Variants in CLEC16A observed in about 807,000 individuals in gnomAD.
The protein encoded by CLEC16A is protein CLEC16A.
In CLEC16A, 51 loss-of-function variants were observed where a neutral mutation model predicts 109.5. The ratio of observed to expected loss-of-function variants is 0.47; its 90% CI spans 0.37 to 0.59. CLEC16A has a LOEUF of 0.59. CLEC16A is among the 20% of genes least tolerant of loss of function. The pLI is 0.00. For synonymous variants in CLEC16A, 673 were observed against 564.2 expected (o/e 1.19, Z -2.73); for missense variants, 1,339 against 1,394.0 (o/e 0.96, Z 0.63).
Position 11,174,653 on chromosome 16 carries a change from C to G in CLEC16A, c.2807-3682C>G, listed in dbSNP as rs2068674250. ...CCCCCAGGGGTCCCCCCAGTTTAGG[C>G]CATGGGGGTTGGGCGGCAGTTGGCT... On this transcript the variant is annotated intron_variant, in intron 23 of 23. Transcript: ENST00000409790. The surrounding 1 kb of genome is among the most constrained non-coding windows in gnomAD (Gnocchi z 4.7). 6.6e-6 allele frequency among the ~76,000 whole-genome samples: 1 copy of G among 152,260 alleles called. No homozygotes were observed. Among genetic ancestry groups the G allele is most frequent in the African/African-American group, 2.4e-5 (1 of 41,476 alleles).
intron 19 of CLEC16A, among the ~76,000 whole-genome samples, chr16:11,076,214 A>G (rs2049365313): frequency 1.3e-5 from 2 of 152,084 alleles, no homozygotes; most frequent in Non-Finnish European, 2.9e-5. Context: ...TCACTGTGCC[A>G]TGTGTGCCCC....
rs991531085 is a variant in CLEC16A at position 11,007,108 on chromosome 16, T to C, written c.1303+3803T>C. On this transcript the variant is annotated intron_variant, in intron 11 of 23. Transcript: ENST00000409790. ...AACTTAATAAGCATATCCTAGGGACTGAATCCTTCAAACTCCTCATGTAAA... is the reference window on the plus strand; with the variant it reads ...AACTTAATAAGCATATCCTAGGGACCGAATCCTTCAAACTCCTCATGTAAA... Among the ~76,000 whole-genome samples, 7 of 152,312 alleles carry C rather than the reference T, an allele frequency of 4.6e-5. No individual in the cohort carries two copies. The East Asian group carries it at 1.3e-3, about 29-fold the overall frequency.
At chr16:11,112,555 C>T (rs1331569449) in intron 19 of CLEC16A, among the ~76,000 whole-genome samples, 3 of 149,762 alleles carry the variant, frequency 2.0e-5, no homozygotes, top group East Asian at 4.0e-4. Flanking sequence ...GTCCTAGCTA[C>T]TTAGAAGGCT....
chr16:11,131,029 GA>G (rs112694398), intron 22 of CLEC16A, among the ~76,000 whole-genome samples: 3 of 150,076 alleles, frequency 2.0e-5, no homozygotes, highest in African/African-American at 4.9e-5. Flanking sequence ...ATTTGGCTCA[GA>G]AAAAAAAAAT....
At chr16:11,007,830 G>C (rs929376211) in intron 11 of CLEC16A, among the ~76,000 whole-genome samples, 2 of 152,042 alleles carry the variant, frequency 1.3e-5, no homozygotes, top group Non-Finnish European at 2.9e-5. Context: ...GTGTGTAATG[G>C]TGGGAAGAGA....
intron 23 of CLEC16A, among the ~76,000 whole-genome samples, chr16:11,172,750 G>A (rs543066706): frequency 3.9e-5 from 6 of 152,192 alleles, no homozygotes; most frequent in East Asian, 3.9e-4. Context: ...TTAGCCAGGC[G>A]TGGTGGTAGG....
At position 10,944,648 on chromosome 16, in the gene CLEC16A, C is replaced by G; in HGVS notation, c.-70C>G. ...CCGCATCCTCCGCTTGTGCTACCGC[C>G]GCGGGCGCTGGGCCGCTCTGCTGGT... On this transcript the variant is annotated 5_prime_UTR_variant, in exon 1 of 24. Transcript: ENST00000409790. 6.9e-7 allele frequency: 1 copy of G among 1,442,834 alleles called. No individual in the cohort carries two copies. The highest frequency in any genetic ancestry group is 9.5e-7 in the Non-Finnish European group (1 of 1,054,136). 89.4% of individuals were successfully genotyped at this position (1,442,834 alleles called of 1,614,324 possible).
intron 22 of CLEC16A, among the ~76,000 whole-genome samples, chr16:11,157,843 AG>A (rs746643352): frequency 2.1e-4 from 32 of 152,262 alleles, no homozygotes; most frequent in Non-Finnish European, 3.4e-4. Flanking sequence ...TTCCTAGGGT[AG>A]CCCCCCACTG....
rs2043404896 is a variant in CLEC16A, at chr16:10,982,865, T to G, written c.958-13T>G. ...CACTTTCATGCAAATCCCGTTTCTT[T>G]TTTTTCCGCCAGGTCTTCTTAATTA... On this transcript the variant is annotated splice_polypyrimidine_tract_variant and intron_variant, in intron 9 of 23. Transcript: ENST00000409790. 2.6e-6 allele frequency: 4 copies of G among 1,514,970 alleles called. No individual in the cohort carries two copies. The highest frequency in any genetic ancestry group is 3.7e-6 in the Non-Finnish European group (4 of 1,090,660). The allele number at this position is 1,514,970 out of a possible 1,614,324, so 93.8% of individuals were successfully genotyped here.
intron 10 of CLEC16A, among the ~76,000 whole-genome samples, chr16:10,996,246 T>G (rs2044321171): frequency 6.6e-6 from 1 of 152,218 alleles, no homozygotes; most frequent in African/African-American, 2.4e-5. Context: ...AACCCCTTTG[T>G]GAGCAGCACG....
intron 22 of CLEC16A, chr16:11,157,251 A>C: frequency 8.4e-7 from 1 of 1,191,482 alleles, no homozygotes; most frequent in Non-Finnish European, 1.1e-6. Flanking sequence ...GTCAGTGATC[A>C]GTGATGTGGG....
intron 14 of CLEC16A, 196 bp downstream of exon 14, chr16:11,040,072 C>T (rs1410123649): frequency 8.9e-6 from 5 of 562,722 alleles, no homozygotes; most frequent in Non-Finnish European, 1.5e-5. Context: ...AGCTCTGGGT[C>T]TCCTTTTGCC....
At chr16:11,081,082 A>C (rs1164902650) in intron 19 of CLEC16A, among the ~76,000 whole-genome samples, 1 of 152,240 alleles carries the variant, frequency 6.6e-6, no homozygotes, top group East Asian at 1.9e-4. Flanking sequence ...AGAACTAAGC[A>C]GATGAACAGG....
chr16:11,028,507 A>G (rs1237014044), intron 13 of CLEC16A, among the ~76,000 whole-genome samples: 1 of 152,032 alleles, frequency 6.6e-6, no homozygotes, highest in Non-Finnish European at 1.5e-5. Context: ...ATAGGAAGAA[A>G]GGCATAAAAA....
At chr16:11,163,005 G>A (rs916408198) in intron 22 of CLEC16A, among the ~76,000 whole-genome samples, 1 of 152,194 alleles carries the variant, frequency 6.6e-6, no homozygotes, top group Non-Finnish European at 1.5e-5. Context: ...GGATCTCAGG[G>A]AGGCCGGTTT....
intron 21 of CLEC16A, among the ~76,000 whole-genome samples, chr16:11,125,597 C>G (rs1027645438): frequency 6.6e-6 from 1 of 152,224 alleles, no homozygotes; most frequent in African/African-American, 2.4e-5. Context: ...TACGTGTGAA[C>G]TCTCTGGGCA....
At chr16:11,108,395 T>C (rs1305986471) in intron 19 of CLEC16A, among the ~76,000 whole-genome samples, 1 of 152,246 alleles carries the variant, frequency 6.6e-6, no homozygotes, top group Non-Finnish European at 1.5e-5. Context: ...TGGAGGTGGC[T>C]TCAGATCCTT....
intron 10 of CLEC16A, among the ~76,000 whole-genome samples, chr16:10,997,155 T>C (rs2044378219): frequency 6.6e-6 from 1 of 152,074 alleles, no homozygotes; most frequent in South Asian, 2.1e-4. Context: ...AGAGACAAGG[T>C]CTCACCATGC....
At chr16:11,156,819 C>A in intron 22 of CLEC16A, 1 of 504,192 alleles carries the variant, frequency 2.0e-6, no homozygotes, top group Non-Finnish European at 3.5e-6. Flanking sequence ...AAGATCTGGT[C>A]CACCTGTGTC....
Sources: gnomAD v4.1 joint callset for allele counts (sites outside exome capture counted in the v4.1 genomes callset) on GRCh38, gnomAD v4.1.1 for gene constraint, Gnocchi (gnomAD v3.1) non-coding constraint, MANE v1.5 for transcripts, NCBI Gene and HGNC (gene_info 2026-07-23, HGNC 2026-07-21) for gene names.